Variants in PGM1 observed in about 807,000 individuals in gnomAD.
PGM1 encodes the protein phosphoglucomutase-1.
A neutral mutation model predicts 55.6 loss-of-function variants in PGM1; 52 were observed. The ratio of observed to expected loss-of-function variants is 0.94; its 90% CI spans 0.75 to 1.18. PGM1 has a LOEUF of 1.18. PGM1 is among the 50% of genes most tolerant of loss of function. The probability of loss-of-function intolerance (pLI) is 0.00; values close to 1 mark genes in which losing one functional copy is unlikely to be tolerated. For synonymous variants in PGM1, 287 were observed against 271.7 expected, an observed-to-expected ratio of 1.06 and a Z score of -0.55; for missense variants, 724 against 729.3, an observed-to-expected ratio of 0.99 and a Z score of 0.08.
At chr1:63,599,156 A>C (rs1384203117) in intron 1 of PGM1, among the ~76,000 whole-genome samples, 1 of 152,086 alleles carries the variant, frequency 6.6e-6, no homozygotes, top group East Asian at 1.9e-4. Flanking sequence ...CTTGGCAGAG[A>C]AACACCTTCA....
intron 4 of PGM1, among the ~76,000 whole-genome samples, chr1:63,633,864 CTCTGTGTGTGTGTGTGTGTG>C: frequency 1.4e-5 from 1 of 70,150 alleles, no homozygotes; most frequent in Non-Finnish European, 2.7e-5. Context: ...GTGTCTGTGT[CTCTGTGTGTGTGTGTGTGTG>C]TGTGTGTGTG....
intron 1 of PGM1, among the ~76,000 whole-genome samples, chr1:63,605,604 G>A (rs1570473726): frequency 1.3e-5 from 2 of 151,906 alleles, no homozygotes; most frequent in South Asian, 4.2e-4. Context: ...TTGAGACAGG[G>A]TCTCACTCTG....
At chr1:63,601,464 A>T (rs1264701548) in intron 1 of PGM1, among the ~76,000 whole-genome samples, 2 of 152,318 alleles carry the variant, frequency 1.3e-5, no homozygotes, top group East Asian at 1.9e-4. Context: ...GTGAAGCAGG[A>T]AAGTTTGAAC....
chr1:63,656,657 T>G (rs1262219602), intron 10 of PGM1, among the ~76,000 whole-genome samples: 1 of 151,866 alleles, frequency 6.6e-6, no homozygotes, highest in African/African-American at 2.4e-5. Flanking sequence ...AACCAAAATC[T>G]TGCCAATCTT....
chr1:63,622,173 C>T (rs369284454), intron 1 of PGM1, among the ~76,000 whole-genome samples: 20 of 152,116 alleles, frequency 1.3e-4, no homozygotes, highest in East Asian at 7.7e-4. Flanking sequence ...TACGGGTGCA[C>T]GCCACCATGC....
chr1:63,634,996 G>A lies in PGM1; in HGVS notation c.850G>A (p.Gly284Arg). The A allele has an allele frequency of 6.2e-7, 1 of 1,613,996 alleles. No individual in the cohort carries two copies. The highest frequency in any genetic ancestry group is 1.7e-5 in the Admixed American group (1 of 60,020). The change falls in exon 5 of 11, where the codon GGG (glycine) becomes AGG (arginine). Residue 284 changes from glycine to arginine, a missense_variant. Physicochemically the swap from Gly to Arg is moderately radical, Grantham distance 125. Around this residue, in one of 3 missense-constraint regions of PGM1, gnomAD observed 29 missense variants for 58.7 expected, o/e 0.49. Coordinates refer to ENST00000371084, the MANE Select transcript of PGM1 (RefSeq NM_002633.3). ...CATGAAGTCAGGAGAGCATGATTTT[G>A]GGGCTGCCTTTGATGGAGATGGGGT... The part of the protein sequence containing the change: ...ETMKSGEHDF[G>R]AAFDGDGDRN...
Position 63,593,475 on chromosome 1 carries a change from A to T in PGM1, c.-14A>T. The stretch of plus-strand genomic sequence containing the variant: ...CAAGTCCGCCGCTCTGACCCCCGGC[A>T]GCAAGTCGCCACCATGGTGAAGATC... On this transcript the variant is annotated 5_prime_UTR_variant, in exon 1 of 11. Transcript: ENST00000371084. 1 of 1,613,460 alleles carries T rather than the reference A, an allele frequency of 6.2e-7. No homozygotes were observed. Among genetic ancestry groups the T allele is most frequent in the Non-Finnish European group, 8.5e-7 (1 of 1,179,846 alleles).
At chr1:63,612,580 A>C (rs1648598626) in intron 1 of PGM1, among the ~76,000 whole-genome samples, 1 of 151,474 alleles carries the variant, frequency 6.6e-6, no homozygotes, top group African/African-American at 2.4e-5. Context: ...TTTCTCTCTT[A>C]CTCTCACCAC....
At chr1:63,624,916 A>C (rs570756104) in intron 1 of PGM1, among the ~76,000 whole-genome samples, 1 of 152,352 alleles carries the variant, frequency 6.6e-6, no homozygotes, top group Non-Finnish European at 1.5e-5. Flanking sequence ...AATGCCTCTC[A>C]TGTAAAAGTT....
rs781038052 is a variant in PGM1, at chr1:63,651,844, A to G, written c.1456A>G (p.Arg486Gly). The G allele has an allele frequency of 6.2e-7, 1 of 1,613,920 alleles. No individual in the cohort carries two copies. The highest frequency in any genetic ancestry group is 8.5e-7 in the Non-Finnish European group (1 of 1,179,788). ...YSDPVDGSISRNQGLRLIFTD... is the reference protein window; with the variant it reads ...YSDPVDGSISGNQGLRLIFTD... ...CGACCCAGTGGATGGAAGCATTTCA[A>G]GAAATCAGGTAGAAACAGACCGGTG... Residue 486 changes from arginine to glycine, a missense_variant, in exon 9 of 11, where the codon AGA becomes GGA. Physicochemically the swap from Arg to Gly is moderately radical, Grantham distance 125. Around this residue, in one of 3 missense-constraint regions of PGM1, gnomAD observed 316 missense variants for 313.1 expected, o/e 1.01. Transcript: ENST00000371084.
chr1:63,659,753 A>G lies in PGM1; in HGVS notation c.*78A>G. 9.3e-7 allele frequency: 1 copy of G among 1,080,322 alleles called. No individual in the cohort carries two copies. Among genetic ancestry groups the G allele is most frequent in the South Asian group, 1.3e-5 (1 of 79,212 alleles). 66.9% of individuals were successfully genotyped at this position (1,080,322 alleles called of 1,614,324 possible). A position where few individuals can be genotyped will look rare whatever the true frequency, so the allele number is the denominator to read the frequency against. ...TCTGATTGAAGAGCATGACAGAAAC[A>G]AAATGTATTCACCAAGCATTTTAGG... On this transcript the variant is annotated 3_prime_UTR_variant, in exon 11 of 11. Coordinates refer to ENST00000371084, the MANE Select transcript of PGM1 (RefSeq NM_002633.3).
intron 1 of PGM1, among the ~76,000 whole-genome samples, chr1:63,595,534 G>A (rs192571653): frequency 6.6e-6 from 1 of 152,272 alleles, no homozygotes; most frequent in Non-Finnish European, 1.5e-5. Context: ...TGTTTACTTT[G>A]TGGTCCTGAA....
chr1:63,648,575 C>G lies in PGM1; in HGVS notation c.1203C>G (p.Ile401Met), dbSNP rs1303051917. Residue 401 changes from isoleucine (I) to methionine (M), a missense_variant, in exon 8 of 11, where the codon ATC becomes ATG. Around this residue, in one of 3 missense-constraint regions of PGM1, gnomAD observed 316 missense variants for 313.1 expected, o/e 1.01. Coordinates refer to ENST00000371084, the MANE Select transcript of PGM1 (RefSeq NM_002633.3). Reference sequence around the variant, plus strand: ...GGGCTGTCCTTGCCTGGCTCTCCATCCTAGCCACCCGCAAGCAGAGTGTGG... The same window carrying G: ...GGGCTGTCCTTGCCTGGCTCTCCATGCTAGCCACCCGCAAGCAGAGTGTGG... ...GLWAVLAWLS[I>M]LATRKQSVED... 3 of 1,614,112 alleles carry G rather than the reference C, an allele frequency of 1.9e-6. No individual in the cohort carries two copies. Among genetic ancestry groups the G allele is most frequent in the South Asian group, 2.2e-5 (2 of 91,084 alleles).
chr1:63,651,403 G>A (rs917941552), intron 8 of PGM1: 6 of 448,632 alleles, frequency 1.3e-5, no homozygotes, highest in African/African-American at 9.9e-5. Context: ...ACATCTTAGA[G>A]CTTTATTCTG....
intron 7 of PGM1, among the ~76,000 whole-genome samples, chr1:63,641,281 TTC>T (rs899182614): frequency 8.6e-5 from 13 of 151,726 alleles, no homozygotes; most frequent in Middle Eastern, 3.4e-3. Context: ...CACAAGCTCT[TTC>T]TCTCTCTCTC....
rs1161161385 is a variant in PGM1, at chr1:63,615,550, C to CTTTTTTTT, written c.247-13852_247-13845dup. 9.4e-3 allele frequency among the ~76,000 whole-genome samples: 589 copies of CTTTTTTTT among 62,992 alleles called. 75 individuals carry two copies. Among genetic ancestry groups the CTTTTTTTT allele is most frequent in the African/African-American group, 0.02 (290 of 14,820 alleles). 41.3% of individuals were successfully genotyped at this position (62,992 alleles called of 152,430 possible). A position where few individuals can be genotyped will look rare whatever the true frequency, so the allele number is the denominator to read the frequency against. ...CCATTTCTCTCCTCTTCTTCTTCTT[C>CTTTTTTTT]TTTTTTTTTTTTTTTTTTTTTTTTT... On this transcript the variant is annotated intron_variant, in intron 1 of 10. Transcript: ENST00000371084.
At chr1:63,597,377 G>A (rs536127320) in intron 1 of PGM1, among the ~76,000 whole-genome samples, 14 of 152,288 alleles carry the variant, frequency 9.2e-5, no homozygotes, top group Non-Finnish European at 1.8e-4. Flanking sequence ...TACCTGAAGA[G>A]CCTGTTGTGA....
At position 63,651,810 on chromosome 1, in the gene PGM1, T is replaced by C. The variant is rs138417403; in HGVS notation, c.1422T>C (p.Phe474=). Residue 474 remains phenylalanine (F), a synonymous_variant, in exon 9 of 11, where the codon TTT becomes TTC. Transcript: ENST00000371084. ...ACACTGTGGAGAAGGCCGATAACTT[T>C]GAATACAGCGACCCAGTGGATGGAA... is the stretch of plus-strand genomic sequence containing the variant. The part of the protein sequence containing the change: ...KVYTVEKADN[F]EYSDPVDGSI... The C allele has an allele frequency of 1.1e-5, 18 of 1,613,936 alleles. No homozygotes were observed. The African/African-American group carries it at 1.6e-4, about 14-fold the overall frequency.
chr1:63,619,364 A>T (rs771969672), intron 1 of PGM1, among the ~76,000 whole-genome samples: 14 of 152,194 alleles, frequency 9.2e-5, no homozygotes, highest in Non-Finnish European at 1.2e-4. Context: ...TCACAGTAGG[A>T]GAGGAAAAAA....
Sources: gnomAD v4.1 joint callset for allele counts (sites outside exome capture counted in the v4.1 genomes callset) on GRCh38, gnomAD v4.1.1 for gene constraint, gnomAD v4.1.1 regional missense constraint, MANE v1.5 for transcripts, NCBI Gene and HGNC (gene_info 2026-07-23, HGNC 2026-07-21) for gene names.